Variants in DHX32 observed in about 807,000 individuals in gnomAD.
DHX32 encodes the protein putative pre-mRNA-splicing factor ATP-dependent RNA helicase DHX32.
In DHX32, 51 loss-of-function variants were observed where a neutral mutation model predicts 70.0. The observed-to-expected ratio is 0.73, with a 90% confidence interval of 0.58 to 0.92. The LOEUF is 0.92. DHX32 is among the 40% of genes least tolerant of loss of function. DHX32 has a pLI of 0.00. For missense variants in DHX32, 762 were observed against 891.8 expected, an observed-to-expected ratio of 0.85 and a Z score of 1.85; for synonymous variants, 310 against 315.3, an observed-to-expected ratio of 0.98 and a Z score of 0.18.
chr10:125,872,459 G>A (rs193068032), intron 1 of DHX32, among the ~76,000 whole-genome samples: 70 of 152,222 alleles, frequency 4.6e-4, no homozygotes, highest in African/African-American at 1.6e-3. Context: ...AGCAAAAGTT[G>A]CACAATATGG....
chr10:125,867,812 C>CTAA (rs1944232608), intron 1 of DHX32, among the ~76,000 whole-genome samples: 1 of 150,052 alleles, frequency 6.7e-6, no homozygotes. Context: ...TCTGAAAAGA[C>CTAA]TAATGTATTT....
intron 1 of DHX32, among the ~76,000 whole-genome samples, chr10:125,873,755 G>A (rs1392062159): frequency 1.3e-5 from 2 of 152,182 alleles, no homozygotes; most frequent in Non-Finnish European, 2.9e-5. Context: ...ACTGAGGAGT[G>A]AGGTCCCTTC....
chr10:125,883,158 G>C (rs1051337305), upstream of DHX32, among the ~76,000 whole-genome samples: 126 of 152,204 alleles, frequency 8.3e-4, 8 homozygotes, highest in Middle Eastern at 0.01. Context: ...CAAGTTTTCT[G>C]AATAGTCTTC....
Position 125,836,714 on chromosome 10 carries a change from T to G in DHX32, c.2205A>C (p.Glu735Asp). The G allele has an allele frequency of 2.5e-6, 4 of 1,614,176 alleles. No homozygotes were observed. Among genetic ancestry groups the G allele is most frequent in the Non-Finnish European group, 3.4e-6 (4 of 1,180,030 alleles). Residue 735 changes from glutamate to aspartate, a missense_variant, in exon 11 of 11, where the codon GAA (glutamate) becomes GAC (aspartate). By Grantham distance (45) the Glu-to-Asp change is conservative. Around this residue, in one of 3 missense-constraint regions of DHX32, gnomAD observed 366 missense variants for 402.6 expected, o/e 0.91. Coordinates refer to ENST00000284690, the MANE Select transcript of DHX32 (RefSeq NM_018180.3). ...ACTGGAGAGTGCATCTCTGTTCAGT[T>G]TCAGGGCACGTCTCACACATTTGCT... Reference protein sequence around the residue: ...KEQQMCETCPETEQRCTLQ With the variant: ...KEQQMCETCPDTEQRCTLQ
At chr10:125,864,929 C>CAAAAAAAAAAAAAAAAAAAAAA (rs61570718) in intron 2 of DHX32, among the ~76,000 whole-genome samples, 2 of 54,222 alleles carry the variant, frequency 3.7e-5, no homozygotes, top group African/African-American at 7.3e-5. Flanking sequence ...GACTCTGTCT[C>CAAAAAAAAAAAAAAAAAAAAAA]AAAAAAAAAA....
At position 125,895,488 on chromosome 10, in the gene DHX32, T is replaced by C. The variant is rs5020797; in HGVS notation, c.-248+730A>G. Among the ~76,000 whole-genome samples, 11 of 152,348 alleles carry C rather than the reference T, an allele frequency of 7.2e-5. No individual in the cohort carries two copies. The East Asian group carries it at 2.1e-3, about 29-fold the overall frequency. ...CTCGTCTCCATTTTTCTTTCCTCCT[T>C]CTGGTGTTCCGGAACCTATGATACT... On this transcript the variant is annotated intron_variant, in intron 1 of 2. Transcript: ENST00000415732.
At chr10:125,863,988 A>T (rs925242570) in intron 2 of DHX32, among the ~76,000 whole-genome samples, 1 of 152,222 alleles carries the variant, frequency 6.6e-6, no homozygotes, top group African/African-American at 2.4e-5. Context: ...AGATGAGGCA[A>T]CTTAAAGGTC....
At chr10:125,841,718 G>T (rs1854883901) in intron 7 of DHX32, 25 bp downstream of exon 7, 1 of 1,591,726 alleles carries the variant, frequency 6.3e-7, no homozygotes, top group Admixed American at 1.9e-5. Flanking sequence ...TGCAAAAAAA[G>T]AAAAGGAATA....
rs373858800 is a variant in DHX32 at position 125,864,107 on chromosome 10, G to C, written c.476+2883C>G. On this transcript the variant is annotated intron_variant, in intron 2 of 10. Transcript: ENST00000284690. The stretch of plus-strand genomic sequence containing the variant: ...AGCATGGAATACCAGGAAGAAAACA[G>C]GTGTTGCTTTATTTTATCATAGGGG... 2.6e-5 allele frequency among the ~76,000 whole-genome samples: 4 copies of C among 152,280 alleles called. No individual in the cohort carries two copies. In the South Asian group the frequency reaches 8.3e-4, roughly 32 times the overall value.
intron 2 of DHX32, among the ~76,000 whole-genome samples, chr10:125,861,889 G>T (rs1419849040): frequency 6.6e-6 from 1 of 151,668 alleles, no homozygotes; most frequent in Non-Finnish European, 1.5e-5. Context: ...GGGTAGTCTT[G>T]GGGATCTTGA....
At chr10:125,887,639 G>T (rs75165068) in intron 1 of DHX32, among the ~76,000 whole-genome samples, 12 of 150,728 alleles carry the variant, frequency 8.0e-5, no homozygotes, top group Admixed American at 1.3e-4. Context: ...TTGTGTGTGT[G>T]TTTTTTTTTA....
upstream of DHX32, among the ~76,000 whole-genome samples, chr10:125,883,447 G>C (rs148011607): frequency 6.6e-6 from 1 of 152,236 alleles, no homozygotes; most frequent in East Asian, 1.9e-4. Flanking sequence ...AGAACCAGCT[G>C]TCATTCTATG....
chr10:125,887,737 T>C (rs1263089265), intron 1 of DHX32, among the ~76,000 whole-genome samples: 1 of 152,122 alleles, frequency 6.6e-6, no homozygotes, highest in Admixed American at 6.6e-5. Context: ...GCTTTCCGAG[T>C]AGCTAGAAGT....
chr10:125,838,075 G>A, intron 10 of DHX32, 131 bp downstream of exon 10: 1 of 794,952 alleles, frequency 1.3e-6, no homozygotes, highest in Non-Finnish European at 1.9e-6. Flanking sequence ...CCCTTAGTAG[G>A]TACTGTCAAC....
At chr10:125,851,713 A>G (rs1033106076) in intron 6 of DHX32, among the ~76,000 whole-genome samples, 1 of 152,158 alleles carries the variant, frequency 6.6e-6, no homozygotes, top group Non-Finnish European at 1.5e-5. Context: ...CAGACATAGG[A>G]CTAGCTCTGA....
chr10:125,836,721 C>T lies in DHX32; in HGVS notation c.2198G>A (p.Cys733Tyr), dbSNP rs1275317135. ...AGTGCATCTCTGTTCAGTTTCAGGG[C>T]ACGTCTCACACATTTGCTGTTCCTT... ...MNKEQQMCET[C>Y]PETEQRCTLQ The change falls in exon 11 of 11, where the codon TGC becomes TAC. Residue 733 changes from cysteine (C) to tyrosine (Y), a missense_variant. Cys to Tyr is a radical substitution (Grantham distance 194, BLOSUM62 -2). This residue lies in a region of DHX32 where 366 missense variants were observed against 402.6 expected (regional missense o/e 0.91). Coordinates refer to ENST00000284690, the MANE Select transcript of DHX32 (RefSeq NM_018180.3). 3 of 1,614,040 alleles carry T rather than the reference C, an allele frequency of 1.9e-6. No individual in the cohort carries two copies. Among genetic ancestry groups the T allele is most frequent in the Non-Finnish European group, 2.5e-6 (3 of 1,180,026 alleles).
intron 8 of DHX32, 41 bp from the exon 9 acceptor site, chr10:125,839,229 T>C: frequency 6.3e-7 from 1 of 1,598,294 alleles, no homozygotes; most frequent in Non-Finnish European, 8.6e-7. Flanking sequence ...AAATGATTTG[T>C]CAGAAGCTCT....
At chr10:125,887,413 G>C (rs1362824507) in intron 1 of DHX32, among the ~76,000 whole-genome samples, 2 of 152,156 alleles carry the variant, frequency 1.3e-5, no homozygotes, top group East Asian at 3.8e-4. Flanking sequence ...TAATTGCAGA[G>C]AAAGACTTTG....
chr10:125,837,567 T>C (rs1854733797), intron 10 of DHX32, among the ~76,000 whole-genome samples: 1 of 152,180 alleles, frequency 6.6e-6, no homozygotes, highest in Admixed American at 6.6e-5. Context: ...GCTGGGACTA[T>C]AGGCGCATGC....
Sources: allele counts gnomAD v4.1 joint callset (sites outside exome capture counted in the v4.1 genomes callset), GRCh38; gene constraint gnomAD v4.1.1; regional missense constraint gnomAD v4.1.1; transcripts MANE v1.5; gene names NCBI Gene and HGNC (gene_info 2026-07-23, HGNC 2026-07-21).